The following IQCN variants were observed in gnomAD, a reference collection of about 807,000 sequenced individuals.
IQCN encodes the protein IQ motif containing N.
A neutral mutation model predicts 64.4 loss-of-function variants in IQCN; 46 were observed. That is an observed-to-expected ratio of 0.71 (90% CI 0.56 to 0.91). The LOEUF (loss-of-function observed/expected upper bound fraction) is 0.91, where lower values mean the gene tolerates loss of function less well. IQCN is among the 40% of genes least tolerant of loss of function. IQCN has a pLI of 0.00. For synonymous variants in IQCN, 733 were observed against 775.6 expected, an observed-to-expected ratio of 0.95 and a Z score of 0.91; for missense variants, 1,753 against 1,857.4, an observed-to-expected ratio of 0.94 and a Z score of 1.03.
intron 1 of IQCN, among the ~76,000 whole-genome samples, chr19:18,270,290 G>A (rs1278445645): frequency 2.0e-5 from 3 of 151,324 alleles, no homozygotes; most frequent in Non-Finnish European, 1.5e-5. Context: ...GAACCTGGGA[G>A]GCAGAGATTT....
rs1394653695 is a variant in IQCN at position 18,267,190 on chromosome 19, T to C, written c.350A>G (p.Tyr117Cys). ...ATLIQANWRG[Y>C]WLRQKLISQM... ...GGAAATCAGCTTCTGCCGGAGCCAA[T>C]AGCCCCTCCAGTTGGCTTGGATGAG... The change falls in exon 3 of 4, where the codon TAT (tyrosine) becomes TGT (cysteine). Residue 117 changes from tyrosine to cysteine, a missense_variant. Transcript: ENST00000392413. The C allele has an allele frequency of 2.0e-5, 32 of 1,614,274 alleles. No individual in the cohort carries two copies. Among genetic ancestry groups the C allele is most frequent in the East Asian group, 2.2e-5 (1 of 44,884 alleles).
chr19:18,260,105 C>T (rs1969392388), intron 3 of IQCN: 1 of 152,544 alleles, frequency 6.6e-6, no homozygotes, highest in Non-Finnish European at 1.5e-5. Context: ...AACAGGCCTC[C>T]TCATCAGCAT....
intron 3 of IQCN, chr19:18,262,024 ATAGG>A (rs1969440205): frequency 6.5e-6 from 1 of 153,066 alleles, no homozygotes; most frequent in Non-Finnish European, 1.5e-5. Flanking sequence ...GTGGCCACAG[ATAGG>A]TAGCCTGAGC....
chr19:18,258,090 C>T lies in IQCN; in HGVS notation c.3194G>A (p.Gly1065Asp), dbSNP rs374456219. 13 of 1,610,958 alleles carry T rather than the reference C, an allele frequency of 8.1e-6. No individual in the cohort carries two copies. Among genetic ancestry groups the T allele is most frequent in the Middle Eastern group, 1.6e-4 (1 of 6,062 alleles). ...GTTCCACGATTGGCCACCAACCACACCAGCGTCCGCGGGGCCCTGGAGTAT... is the reference window on the plus strand; with the variant it reads ...GTTCCACGATTGGCCACCAACCACATCAGCGTCCGCGGGGCCCTGGAGTAT... ...PQTSKGPADA[G>D]VVGGQSWNRA... Residue 1065 changes from glycine to aspartate, a missense_variant, in exon 4 of 4, where the codon GGT becomes GAT. Coordinates refer to ENST00000392413, the MANE Select transcript of IQCN (RefSeq NM_001145304.2).
At position 18,264,778 on chromosome 19, in the gene IQCN, C is replaced by T. The variant is rs1969512009; in HGVS notation, c.2762G>A (p.Gly921Asp). ...GGGCAGGGCTTTGGTGACAGTGGCA[C>T]CCAGGACCTCCTTGGACAGGGCCTG... ...LNQALSKEVL[G>D]ATVTKALPQS... is the part of the protein sequence containing the mutation. The change falls in exon 3 of 4, where the codon GGT becomes GAT. Residue 921 changes from glycine to aspartate, a missense_variant. Gly to Asp is a moderately conservative substitution (Grantham distance 94). Transcript: ENST00000392413. The surrounding 1 kb of genome is among the most constrained non-coding windows in gnomAD (Gnocchi z 4.3). The T allele has an allele frequency of 1.9e-6, 3 of 1,551,446 alleles. No homozygotes were observed. Among genetic ancestry groups the T allele is most frequent in the Non-Finnish European group, 1.7e-6 (2 of 1,147,038 alleles).
chr19:18,271,699 T>C (rs1313248424), intron 1 of IQCN, among the ~76,000 whole-genome samples: 3 of 152,082 alleles, frequency 2.0e-5, no homozygotes, highest in Admixed American at 1.3e-4. Flanking sequence ...GAACAGGTTA[T>C]CAACAGTTGG....
intron 1 of IQCN, among the ~76,000 whole-genome samples, chr19:18,273,270 G>C (rs974534712): frequency 6.6e-6 from 1 of 151,974 alleles, no homozygotes; most frequent in African/African-American, 2.4e-5. Flanking sequence ...GACCTCAAGT[G>C]ATCCGCCCGC....
intron 1 of IQCN, among the ~76,000 whole-genome samples, chr19:18,270,605 G>A (rs1314976392): frequency 6.6e-6 from 1 of 152,064 alleles, no homozygotes; most frequent in African/African-American, 2.4e-5. Context: ...ACTGCAGTAA[G>A]CTACGATGGC....
intron 1 of IQCN, among the ~76,000 whole-genome samples, chr19:18,272,136 TTC>T (rs1555701210): frequency 4.5e-5 from 6 of 133,898 alleles, no homozygotes; most frequent in Non-Finnish European, 7.9e-5. Flanking sequence ...CTTTTTTTTT[TTC>T]TCTCTCTCTT....
chr19:18,273,043 T>C (rs1169631628), intron 1 of IQCN, among the ~76,000 whole-genome samples: 2 of 152,172 alleles, frequency 1.3e-5, no homozygotes, highest in Non-Finnish European at 2.9e-5. Flanking sequence ...TTTTATTTTT[T>C]TGAGATGGAC....
intron 1 of IQCN, among the ~76,000 whole-genome samples, chr19:18,273,929 C>T (rs939698361): frequency 2.0e-5 from 3 of 152,074 alleles, no homozygotes; most frequent in African/African-American, 7.2e-5. Flanking sequence ...CTCAATTTCC[C>T]TATCTGTCAC....
At position 18,264,313 on chromosome 19, in the gene IQCN, G is replaced by T; in HGVS notation, c.3177+50C>A. On this transcript the variant is annotated intron_variant, in intron 3 of 3. Transcript: ENST00000392413. This position sits in a 1 kb window ranked among gnomAD's most constrained non-coding sequence, Gnocchi z 4.3. ...CCCCATCTCCTCCAAGGGCCCGGCA[G>T]GTTGGCCCATGGTGAAACAACCCCA... 2.1e-6 allele frequency: 3 copies of T among 1,410,560 alleles called. No individual in the cohort carries two copies. Among genetic ancestry groups the T allele is most frequent in the Non-Finnish European group, 2.8e-6 (3 of 1,073,930 alleles). 87.4% of individuals were successfully genotyped at this position (1,410,560 alleles called of 1,614,324 possible). A position where few individuals can be genotyped will look rare whatever the true frequency, so the allele number is the denominator to read the frequency against.
At position 18,270,601 on chromosome 19, in the gene IQCN, G is replaced by A. The variant is rs1600136796; in HGVS notation, c.-109-1014C>T. Reference sequence around the variant, plus strand: ...TTGAGGCCAGGAGGTTGAGACTGCAGTAAGCTACGATGGCACCACTGCACT... The same window carrying A: ...TTGAGGCCAGGAGGTTGAGACTGCAATAAGCTACGATGGCACCACTGCACT... On this transcript the variant is annotated intron_variant, in intron 1 of 3. Coordinates refer to ENST00000392413, the MANE Select transcript of IQCN (RefSeq NM_001145304.2). Among the ~76,000 whole-genome samples the A allele has an allele frequency of 3.9e-5, 6 of 152,228 alleles. No homozygotes were observed. The South Asian group carries it at 1.0e-3, about 26-fold the overall frequency.
chr19:18,268,377 G>C (rs1969654871), intron 2 of IQCN, among the ~76,000 whole-genome samples: 1 of 151,950 alleles, frequency 6.6e-6, no homozygotes. Context: ...GGGGCATCTT[G>C]ACTGATAAAT....
At position 18,265,986 on chromosome 19, in the gene IQCN, CAG is replaced by C; in HGVS notation, c.1552_1553del (p.Leu518ValfsTer31). ...LRSVATILKT[L>X]CLASPTVANV... is the part of the protein sequence containing the mutation. ...TTGCCACTGTTGGAGAGGCCAGACA[CAG>C]AGTCTTGAGGATGGTGGCCACCGAG... On this transcript the variant is annotated frameshift_variant, in exon 3 of 4. Transcript: ENST00000392413. LOFTEE classifies it high-confidence loss of function. This position sits in a 1 kb window ranked among gnomAD's most constrained non-coding sequence, Gnocchi z 4.7. The C allele has an allele frequency of 6.2e-7, 1 of 1,614,100 alleles. No individual in the cohort carries two copies. The highest frequency in any genetic ancestry group is 1.6e-4 in the Middle Eastern group (1 of 6,062).
rs886492298 is a variant in IQCN at position 18,257,888 on chromosome 19, C to T, written c.3396G>A (p.Arg1132=). ...TGGCCCCCCGGTGCCACAGCCGGAT[C>T]CTGCGACGCGCCAGGTAGCCACGGA... ...AGVRGYLARR[R]IRLWHRGAMV... Residue 1132 remains arginine, a synonymous_variant, in exon 4 of 4, where the codon AGG becomes AGA. Coordinates refer to ENST00000392413, the MANE Select transcript of IQCN (RefSeq NM_001145304.2). 6.2e-7 allele frequency: 1 copy of T among 1,612,590 alleles called. No homozygotes were observed. Among genetic ancestry groups the T allele is most frequent in the African/African-American group, 1.3e-5 (1 of 75,050 alleles).
chr19:18,267,792 CT>C (rs201236242), intron 2 of IQCN: 6,799 of 213,022 alleles, frequency 0.032, 6 homozygotes, highest in Middle Eastern at 0.045. Flanking sequence ...TTTTTCTTTT[CT>C]TTTTTTTTTT....
intron 1 of IQCN, among the ~76,000 whole-genome samples, chr19:18,272,826 G>T (rs1600139764): frequency 6.6e-6 from 1 of 150,620 alleles, no homozygotes; most frequent in African/African-American, 2.4e-5. Flanking sequence ...TAGCCAGGAT[G>T]GTCTCCATCT....
intron 1 of IQCN, among the ~76,000 whole-genome samples, chr19:18,270,865 A>G (rs943339840): frequency 6.6e-6 from 1 of 151,462 alleles, no homozygotes; most frequent in African/African-American, 2.4e-5. Flanking sequence ...ATTAAAGAGT[A>G]AGTATAAGAT....
Sources: allele counts gnomAD v4.1 joint callset (sites outside exome capture counted in the v4.1 genomes callset), GRCh38; gene constraint gnomAD v4.1.1; non-coding constraint Gnocchi (gnomAD v3.1); transcripts MANE v1.5; gene names NCBI Gene and HGNC (gene_info 2026-07-23, HGNC 2026-07-21).